The following LCORL variants were observed in gnomAD, a reference collection of about 807,000 sequenced individuals.
LCORL encodes the protein ligand dependent nuclear receptor corepressor like.
In LCORL, 41 loss-of-function variants were observed where a neutral mutation model predicts 141.8. The observed-to-expected ratio is 0.29, with a 90% CI of 0.23 to 0.38. LCORL has a LOEUF of 0.38. Among genes scored for constraint, LCORL ranks in the 10% least tolerant of loss-of-function variants. LCORL has a pLI of 1.00. For missense variants in LCORL, 1,759 were observed against 2,035.0 expected, an observed-to-expected ratio of 0.86 and a Z score of 2.61; for synonymous variants, 618 against 694.1, an observed-to-expected ratio of 0.89 and a Z score of 1.72.
At chr4:17,876,254 T>C (rs1357511762) in exon 7 of LCORL, 5 of 1,230,932 alleles carry the variant, frequency 4.1e-6, no homozygotes, top group Non-Finnish European at 5.1e-6. Flanking sequence ...TCAAATCCAC[T>C]GTAGGCATGC....
intron 4 of LCORL, chr4:17,912,310 G>A: frequency 1.5e-6 from 1 of 677,194 alleles, no homozygotes; most frequent in South Asian, 1.4e-5. Flanking sequence ...ACAGATCGAG[G>A]CTCTCAAAGA....
Position 17,878,233 on chromosome 4 carries a change from A to G in LCORL, c.777-20T>C. On this transcript the variant is annotated intron_variant, in intron 6 of 7. Coordinates refer to ENST00000635767, the Ensembl canonical transcript of LCORL. ...GTTGAACTAAAAATAAAAATCAAAC[A>G]AAAAATGAATTGCAGCAAAAATACC... The G allele has an allele frequency of 8.2e-7, 1 of 1,225,892 alleles. No homozygotes were observed. The highest frequency in any genetic ancestry group is 1.0e-6 in the Non-Finnish European group (1 of 982,700). 75.9% of individuals were successfully genotyped at this position (1,225,892 alleles called of 1,614,324 possible).
At chr4:17,982,227 A>G (rs942295029) in intron 1 of LCORL, among the ~76,000 whole-genome samples, 1 of 152,024 alleles carries the variant, frequency 6.6e-6, no homozygotes, top group Non-Finnish European at 1.5e-5. Flanking sequence ...GAATAGTGCC[A>G]CAATGAACAT....
chr4:17,883,412 C>A, intron 6 of LCORL: 2 of 1,098,814 alleles, frequency 1.8e-6, no homozygotes, highest in Non-Finnish European at 2.2e-6. Context: ...TCCCACAACG[C>A]TTTATGCTAT....
intron 4 of LCORL, among the ~76,000 whole-genome samples, chr4:17,952,704 C>T (rs1263055002): frequency 2.0e-5 from 3 of 152,190 alleles, no homozygotes; most frequent in Non-Finnish European, 2.9e-5. Context: ...CGTGAGCCAC[C>T]GCCCCCGGCC....
At chr4:17,955,515 G>A (rs1712424688) in intron 4 of LCORL, among the ~76,000 whole-genome samples, 2 of 152,022 alleles carry the variant, frequency 1.3e-5, no homozygotes, top group South Asian at 4.1e-4. Flanking sequence ...CTAGCAGAAG[G>A]CAACAGATAA....
chr4:17,928,505 T>TGTAG (rs1735514630), intron 4 of LCORL, among the ~76,000 whole-genome samples: 1 of 152,156 alleles, frequency 6.6e-6, no homozygotes, highest in Admixed American at 6.5e-5. Context: ...TCTCCATACA[T>TGTAG]GTAGAGAAAG....
chr4:17,884,366 T>G lies in LCORL; in HGVS notation c.776+1702A>C, dbSNP rs1728008267. 6.5e-7 allele frequency: 1 copy of G among 1,547,376 alleles called. No homozygotes were observed. Among genetic ancestry groups the G allele is most frequent in the African/African-American group, 1.4e-5 (1 of 72,492 alleles). Reference sequence around the variant, plus strand: ...TTCTTTAAACTGAGTGACCATTTTCTGTAGAGTTAGCTGATGGAGGTAAGT... The same window carrying G: ...TTCTTTAAACTGAGTGACCATTTTCGGTAGAGTTAGCTGATGGAGGTAAGT... On this transcript the variant is annotated intron_variant, in intron 6 of 7. Transcript: ENST00000635767. This position sits in a 1 kb window ranked among gnomAD's most constrained non-coding sequence, Gnocchi z 4.4.
intron 1 of LCORL, among the ~76,000 whole-genome samples, chr4:17,993,425 G>T (rs1720369449): frequency 6.6e-6 from 1 of 151,810 alleles, no homozygotes; most frequent in Non-Finnish European, 1.5e-5. Context: ...GGCTGGTCTT[G>T]AACTCCTGAC....
At chr4:17,948,077 G>A (rs12508734) in intron 4 of LCORL, among the ~76,000 whole-genome samples, 4,436 of 152,038 alleles carry the variant, frequency 0.029, 81 homozygotes, top group Middle Eastern at 0.054. Context: ...CAGCAGATAA[G>A]GGAATAATGG....
intron 4 of LCORL, among the ~76,000 whole-genome samples, chr4:17,933,890 G>A (rs984813154): frequency 2.0e-5 from 3 of 151,994 alleles, no homozygotes; most frequent in African/African-American, 7.2e-5. Context: ...TTTCAGTTTT[G>A]TGATTCTCTT....
At chr4:17,952,389 C>T (rs1036989659) in intron 4 of LCORL, among the ~76,000 whole-genome samples, 1 of 151,586 alleles carries the variant, frequency 6.6e-6, no homozygotes, top group Admixed American at 6.6e-5. Flanking sequence ...AAATAAAAAA[C>T]CCATTTTCTT....
chr4:17,990,096 G>GTTA (rs1719698145), intron 1 of LCORL, among the ~76,000 whole-genome samples: 1 of 122,652 alleles, frequency 8.2e-6, no homozygotes, highest in African/African-American at 3.1e-5. Flanking sequence ...AACTCTCTGC[G>GTTA]TTTTTTTTTT....
intron 6 of LCORL, 63 bp downstream of exon 6, chr4:17,886,005 A>T: frequency 1.1e-6 from 1 of 908,868 alleles, no homozygotes; most frequent in Non-Finnish European, 1.7e-6. Context: ...GAATAGTATT[A>T]AGAGTTCTCT....
intron 1 of LCORL, among the ~76,000 whole-genome samples, chr4:18,010,221 C>T (rs1014946188): frequency 2.0e-5 from 3 of 149,948 alleles, no homozygotes; most frequent in Non-Finnish European, 4.5e-5. Context: ...GGGTTTCCTT[C>T]TAACCAAACA....
At position 17,884,210 on chromosome 4, in the gene LCORL, G is replaced by A. The variant is rs1252951280; in HGVS notation, c.776+1858C>T. The A allele has an allele frequency of 3.9e-6, 6 of 1,549,776 alleles. No individual in the cohort carries two copies. In the African/African-American group the frequency reaches 8.2e-5, roughly 21 times the overall value. On this transcript the variant is annotated intron_variant, in intron 6 of 7. Transcript: ENST00000635767. The surrounding 1 kb of genome is among the most constrained non-coding windows in gnomAD (Gnocchi z 4.4). ...TCCTTCTAGGACTGAAGAGGTTTTG[G>A]AAACTTGATACATAACATCCAACAG... is the stretch of plus-strand genomic sequence containing the variant.
intron 2 of LCORL, among the ~76,000 whole-genome samples, chr4:17,963,817 C>T (rs751669545): frequency 8.6e-5 from 13 of 151,836 alleles, no homozygotes; most frequent in Admixed American, 2.0e-4. Flanking sequence ...AGAAACTCTC[C>T]CCAATTTCTA....
At chr4:17,973,140 A>G (rs1716293981) in intron 1 of LCORL, among the ~76,000 whole-genome samples, 2 of 151,872 alleles carry the variant, frequency 1.3e-5, no homozygotes, top group South Asian at 4.1e-4. Context: ...CAACTTTATC[A>G]TTTATAAGTA....
intron 5 of LCORL, among the ~76,000 whole-genome samples, chr4:17,899,095 A>G (rs1414331563): frequency 1.3e-5 from 2 of 152,206 alleles, no homozygotes; most frequent in Non-Finnish European, 2.9e-5. Flanking sequence ...AACTGACAGT[A>G]TAATTATGCT....
Sources: allele counts gnomAD v4.1 joint callset (sites outside exome capture counted in the v4.1 genomes callset), GRCh38; gene constraint gnomAD v4.1.1; non-coding constraint Gnocchi (gnomAD v3.1); transcripts MANE v1.5; gene names NCBI Gene and HGNC (gene_info 2026-07-23, HGNC 2026-07-21).